The following CACNA1C variants were observed in gnomAD, a reference collection of about 807,000 sequenced individuals.
The protein encoded by CACNA1C is voltage-dependent L-type calcium channel subunit alpha-1C.
Under a neutral mutation model 229.0 loss-of-function variants are expected in CACNA1C, and 30 were observed. The ratio of observed to expected loss-of-function variants is 0.13; its 90% CI spans 0.10 to 0.18. CACNA1C has a LOEUF of 0.18. Among genes scored for constraint, CACNA1C ranks in the 10% least tolerant of loss-of-function variants. CACNA1C has a pLI of 1.00. For missense variants in CACNA1C, 1,658 were observed against 2,845.0 expected, an observed-to-expected ratio of 0.58 and a Z score of 9.49; for synonymous variants, 1,114 against 1,132.5, an observed-to-expected ratio of 0.98 and a Z score of 0.33.
Position 2,438,518 on chromosome 12 carries a change from G to A in CACNA1C, c.478-10458G>A, listed in dbSNP as rs932613380. On this transcript the variant is annotated intron_variant, in intron 3 of 46. Transcript: ENST00000399655. The stretch of plus-strand genomic sequence containing the variant: ...CATCGTGGAGGAGTAGGAGTTCTTG[G>A]AAGTGGAGAAAGTGGCAGGGATGGG... Among the ~76,000 whole-genome samples, 4 of 152,132 alleles carry A rather than the reference G, an allele frequency of 2.6e-5. No individual in the cohort carries two copies. The South Asian group carries it at 8.3e-4, about 32-fold the overall frequency.
intron 3 of CACNA1C, among the ~76,000 whole-genome samples, chr12:2,339,531 A>G (rs561733504): frequency 6.6e-6 from 1 of 152,372 alleles, no homozygotes; most frequent in African/African-American, 2.4e-5. Flanking sequence ...GACTCTTATA[A>G]TAACATGTAG....
intron 9 of CACNA1C, among the ~76,000 whole-genome samples, chr12:2,545,229 T>TG (rs397751275): frequency 2.1e-5 from 3 of 140,128 alleles, no homozygotes; most frequent in African/African-American, 8.6e-5. Context: ...TTTTTTTTTT[T>TG]GCTCAGCTCA....
chr12:2,093,036 C>T (rs981575783), intron 1 of CACNA1C, among the ~76,000 whole-genome samples: 2 of 152,230 alleles, frequency 1.3e-5, no homozygotes, highest in Admixed American at 6.5e-5. Flanking sequence ...AAACCCCGCA[C>T]TCTGGCAGAG....
intron 3 of CACNA1C, among the ~76,000 whole-genome samples, chr12:2,443,061 A>G (rs1312689154): frequency 6.6e-6 from 1 of 152,180 alleles, no homozygotes; most frequent in Non-Finnish European, 1.5e-5. Flanking sequence ...GTCCCCCCAA[A>G]GTCTTAAGTC....
chr12:2,004,072 T>C (rs1206516621), intron 1 of CACNA1C: 6 of 671,650 alleles, frequency 8.9e-6, no homozygotes, highest in Non-Finnish European at 2.5e-6. Context: ...TTAAGTCTTT[T>C]CCCCAACTCC....
At chr12:2,095,864 T>G (rs2073714074) in intron 1 of CACNA1C, among the ~76,000 whole-genome samples, 1 of 152,222 alleles carries the variant, frequency 6.6e-6, no homozygotes, top group African/African-American at 2.4e-5. Context: ...ATGGAGGCTG[T>G]GTGCTTCTCT....
At chr12:2,191,772 A>C (rs1320085093) in intron 3 of CACNA1C, among the ~76,000 whole-genome samples, 1 of 148,584 alleles carries the variant, frequency 6.7e-6, no homozygotes, top group Non-Finnish European at 1.5e-5. Flanking sequence ...GCACACCTCC[A>C]CAGGCACATA....
At chr12:2,332,844 G>A (rs1316278776) in intron 3 of CACNA1C, among the ~76,000 whole-genome samples, 3 of 152,192 alleles carry the variant, frequency 2.0e-5, no homozygotes, top group Non-Finnish European at 4.4e-5. Context: ...AAGAAAGTAA[G>A]CCAAAATGTG....
chr12:2,228,396 C>T (rs1412132073), intron 3 of CACNA1C, among the ~76,000 whole-genome samples: 2 of 152,326 alleles, frequency 1.3e-5, no homozygotes, highest in African/African-American at 4.8e-5. Flanking sequence ...AGGTCTTAAA[C>T]TCAGATCTGT....
chr12:2,022,585 A>C (rs1422258360), intron 1 of CACNA1C, among the ~76,000 whole-genome samples: 1 of 151,746 alleles, frequency 6.6e-6, no homozygotes. Context: ...CTGGGACTAC[A>C]GGTGCATGTG....
chr12:2,496,944 G>A (rs1183406045), intron 7 of CACNA1C, among the ~76,000 whole-genome samples: 1 of 152,222 alleles, frequency 6.6e-6, no homozygotes, highest in Non-Finnish European at 1.5e-5. Flanking sequence ...GGTGTGGGGA[G>A]TGTGATCAGA....
chr12:2,444,828 C>A (rs1458531245), intron 3 of CACNA1C, among the ~76,000 whole-genome samples: 1 of 152,186 alleles, frequency 6.6e-6, no homozygotes, highest in African/African-American at 2.4e-5. Flanking sequence ...CTACATCTCA[C>A]CAATCCCACT....
intron 42 of CACNA1C, chr12:2,680,441 T>C: frequency 6.4e-7 from 1 of 1,561,652 alleles, no homozygotes; most frequent in Non-Finnish European, 8.7e-7. Context: ...CCTGTCTGCA[T>C]CAGCAGCTCC....
intron 42 of CACNA1C, chr12:2,682,080 C>A: frequency 7.7e-7 from 1 of 1,297,848 alleles, no homozygotes; most frequent in Non-Finnish European, 1.1e-6. Flanking sequence ...TGTGCCTTTA[C>A]CCCAGGGTGC....
At chr12:2,436,958 C>T (rs2099140758) in intron 3 of CACNA1C, among the ~76,000 whole-genome samples, 1 of 152,232 alleles carries the variant, frequency 6.6e-6, no homozygotes. Context: ...CCCCAGATGG[C>T]TGCCACAGTT....
intron 3 of CACNA1C, among the ~76,000 whole-genome samples, chr12:2,210,659 A>G (rs1180367858): frequency 6.6e-6 from 1 of 152,244 alleles, no homozygotes; most frequent in Non-Finnish European, 1.5e-5. Context: ...GACTGGCAGA[A>G]TCTGAGAGGA....
rs2059763896 is a variant in CACNA1C at position 2,215,558 on chromosome 12, C to T, written c.477+95128C>T. On this transcript the variant is annotated intron_variant, in intron 3 of 46. Transcript: ENST00000399655. The surrounding 1 kb of genome is among the most constrained non-coding windows in gnomAD (Gnocchi z 5.0). Reference sequence around the variant, plus strand: ...CCTACCACAGTCCCTGTCCCCCACACCGTTAACACTTTTACATCAGCATTG... The same window carrying T: ...CCTACCACAGTCCCTGTCCCCCACATCGTTAACACTTTTACATCAGCATTG... Among the ~76,000 whole-genome samples, 1 of 152,206 alleles carries T rather than the reference C, an allele frequency of 6.6e-6. No individual in the cohort carries two copies. Among genetic ancestry groups the T allele is most frequent in the South Asian group, 2.1e-4 (1 of 4,830 alleles).
intron 1 of CACNA1C, among the ~76,000 whole-genome samples, chr12:2,088,021 A>G (rs888845832): frequency 7.9e-5 from 12 of 152,180 alleles, no homozygotes; most frequent in Non-Finnish European, 1.2e-4. Context: ...CCACTTCTCC[A>G]TTCTTTTGAT....
chr12:2,207,624 A>G (rs1266760600), intron 3 of CACNA1C, among the ~76,000 whole-genome samples: 1 of 152,162 alleles, frequency 6.6e-6, no homozygotes, highest in East Asian at 1.9e-4. Context: ...AGCCTGGGCA[A>G]CATAGCAACA....
Sources: allele counts gnomAD v4.1 joint callset (sites outside exome capture counted in the v4.1 genomes callset), GRCh38; gene constraint gnomAD v4.1.1; non-coding constraint Gnocchi (gnomAD v3.1); transcripts MANE v1.5; gene names NCBI Gene and HGNC (gene_info 2026-07-23, HGNC 2026-07-21).